The following ASF1A variants were observed in gnomAD, a reference collection of about 807,000 sequenced individuals.
The protein encoded by ASF1A is histone chaperone ASF1A.
ASF1A carries 5 observed loss-of-function variants against 22.0 expected under a neutral mutation model. The observed-to-expected ratio is 0.23, with a 90% CI of 0.12 to 0.48. The LOEUF (loss-of-function observed/expected upper bound fraction) is 0.48. Ranked by LOEUF, ASF1A falls within the 20% of genes least tolerant of loss-of-function variation. The pLI, the probability that ASF1A is intolerant of heterozygous loss-of-function variation, is 0.99. For synonymous variants in ASF1A, 97 were observed against 86.7 expected (o/e 1.12, Z -0.66); for missense variants, 137 against 240.6 (o/e 0.57, Z 2.85).
rs1349504622 is a variant in ASF1A at position 118,908,243 on chromosome 6, A to C, written c.*629A>C. The C allele has an allele frequency of 6.6e-6, 1 of 152,162 alleles. No homozygotes were observed. The highest frequency in any genetic ancestry group is 3.2e-3 in the Middle Eastern group (1 of 316). 9.4% of individuals were successfully genotyped at this position (152,162 alleles called of 1,614,324 possible). A position where few individuals can be genotyped will look rare whatever the true frequency, so the allele number is the denominator to read the frequency against. Reference sequence around the variant, plus strand: ...GAAGAACAAATATGGCTAATTGTTAATAAGGTCCCCTGGCTATGGTTTTTG... The same window carrying C: ...GAAGAACAAATATGGCTAATTGTTACTAAGGTCCCCTGGCTATGGTTTTTG... On this transcript the variant is annotated 3_prime_UTR_variant, in exon 4 of 4. Transcript: ENST00000229595.
At chr6:118,905,461 G>A (rs552446316) in intron 2 of ASF1A, among the ~76,000 whole-genome samples, 191 bp from the exon 3 acceptor site, 1 of 152,244 alleles carries the variant, frequency 6.6e-6, no homozygotes, top group South Asian at 2.1e-4. Context: ...ATATATTGTG[G>A]CAAAACATGA....
At chr6:118,900,905 G>A in intron 2 of ASF1A, 24 bp downstream of exon 2, 1 of 1,456,368 alleles carries the variant, frequency 6.9e-7, no homozygotes, top group African/African-American at 1.4e-5. Flanking sequence ...TGGTAAATGT[G>A]TATGCCAAAT....
chr6:118,903,045 T>G (rs1779911816), intron 2 of ASF1A, among the ~76,000 whole-genome samples: 1 of 152,192 alleles, frequency 6.6e-6, no homozygotes, highest in South Asian at 2.1e-4. Context: ...CTACTTAAAT[T>G]TGCTCAAACT....
intron 1 of ASF1A, 72 bp from the exon 2 acceptor site, chr6:118,900,694 A>T: frequency 1.8e-6 from 2 of 1,107,190 alleles, no homozygotes; most frequent in Non-Finnish European, 2.8e-6. Context: ...AGTGGACATT[A>T]AAAGGGTCTT....
At chr6:118,902,347 C>T (rs1779854833) in intron 2 of ASF1A, among the ~76,000 whole-genome samples, 1 of 152,114 alleles carries the variant, frequency 6.6e-6, no homozygotes, top group Middle Eastern at 3.2e-3. Flanking sequence ...ACAGTATAAT[C>T]AGTCACTCAT....
intron 1 of ASF1A, among the ~76,000 whole-genome samples, chr6:118,896,327 C>G (rs923072351): frequency 6.6e-6 from 1 of 152,102 alleles, no homozygotes; most frequent in African/African-American, 2.4e-5. Flanking sequence ...TCGGTCCATT[C>G]CAACTTATAC....
chr6:118,894,388 C>A lies in ASF1A; in HGVS notation c.-26C>A. Reference sequence around the variant, plus strand: ...TATTGTGCCGCAACCAGCCCCAGTTCCCATTGTTTGTGTTTTTTTCAAAAT... The same window carrying A: ...TATTGTGCCGCAACCAGCCCCAGTTACCATTGTTTGTGTTTTTTTCAAAAT... On this transcript the variant is annotated 5_prime_UTR_variant, in exon 1 of 4. Transcript: ENST00000229595. 2 of 1,536,964 alleles carry A rather than the reference C, an allele frequency of 1.3e-6. No homozygotes were observed. The highest frequency in any genetic ancestry group is 1.7e-6 in the Non-Finnish European group (2 of 1,146,718).
chr6:118,895,050 C>T (rs1210281434), intron 1 of ASF1A, among the ~76,000 whole-genome samples: 2 of 152,190 alleles, frequency 1.3e-5, no homozygotes, highest in Non-Finnish European at 2.9e-5. Context: ...CAGGCAGGCA[C>T]TCTCGAGAGC....
chr6:118,894,573 T>C, intron 1 of ASF1A, 51 bp downstream of exon 1: 1 of 1,449,754 alleles, frequency 6.9e-7, no homozygotes, highest in Non-Finnish European at 9.4e-7. Context: ...CTGCAGACGT[T>C]GAAAGTTTCC....
At position 118,896,026 on chromosome 6, in the gene ASF1A, T is replaced by C. The variant is rs576389339; in HGVS notation, c.109+1504T>C. Among the ~76,000 whole-genome samples, 77 of 149,956 alleles carry C rather than the reference T, an allele frequency of 5.1e-4. 2 individuals carry two copies. The South Asian group carries it at 0.016, about 32-fold the overall frequency. On this transcript the variant is annotated intron_variant, in intron 1 of 3. Transcript: ENST00000229595. The stretch of plus-strand genomic sequence containing the variant: ...CCTTTCGGTAATCACAATTATTACT[T>C]TAACATGTGCCCCCGTTTTTTTTTT...
In ASF1A at chr6:118,894,233, T is replaced by C; in HGVS notation, c.-181T>C. The C allele has an allele frequency of 7.0e-7, 1 of 1,426,428 alleles. No homozygotes were observed. The highest frequency in any genetic ancestry group is 9.1e-7 in the Non-Finnish European group (1 of 1,094,858). The allele number at this position is 1,426,428 out of a possible 1,614,324, so 88.4% of individuals were successfully genotyped here. ...CTGTAGTTTAGTGAAATAGGAAAGC[T>C]GCAAAACACTGTGGAGTGCTCCCGT... On this transcript the variant is annotated 5_prime_UTR_variant, in exon 1 of 4. Coordinates refer to ENST00000229595, the MANE Select transcript of ASF1A (RefSeq NM_014034.3).
At position 118,894,273 on chromosome 6, in the gene ASF1A, G is replaced by GA. The variant is rs1583571320; in HGVS notation, c.-135dup. ...AGTGCTCCCGTGTAAATAAAAAGAGGAAAAAAGTTTCTCAAGTCGCCGCTG... is the reference window on the plus strand; with the variant it reads ...AGTGCTCCCGTGTAAATAAAAAGAGGAAAAAAAGTTTCTCAAGTCGCCGCTG... On this transcript the variant is annotated 5_prime_UTR_variant, in exon 1 of 4. Coordinates refer to ENST00000229595, the MANE Select transcript of ASF1A (RefSeq NM_014034.3). 6.8e-7 allele frequency: 1 copy of GA among 1,462,744 alleles called. No homozygotes were observed. Among genetic ancestry groups the GA allele is most frequent in the South Asian group, 1.4e-5 (1 of 70,978 alleles). 90.6% of individuals were successfully genotyped at this position (1,462,744 alleles called of 1,614,324 possible). A position where few individuals can be genotyped will look rare whatever the true frequency, so the allele number is the denominator to read the frequency against.
At chr6:118,900,619 AAGG>A (rs1779745131) in intron 1 of ASF1A, 144 bp from the exon 2 acceptor site, 2 of 630,152 alleles carry the variant, frequency 3.2e-6, no homozygotes, top group Non-Finnish European at 5.7e-6. Context: ...GGAACTTTAT[AAGG>A]AGCATTTCAC....
Position 118,908,359 on chromosome 6 carries a change from G to A in ASF1A, c.*745G>A, listed in dbSNP as rs1780313112. ...TTCAAGACCAAATACAATATCGGGA[G>A]AAAATACAAACTCCCTGTGTTTAAG... On this transcript the variant is annotated 3_prime_UTR_variant, in exon 4 of 4. Transcript: ENST00000229595. 1 of 152,104 alleles carries A rather than the reference G, an allele frequency of 6.6e-6. No homozygotes were observed. Among genetic ancestry groups the A allele is most frequent in the Admixed American group, 6.5e-5 (1 of 15,278 alleles). The allele number at this position is 152,104 out of a possible 1,614,324, so 9.4% of individuals were successfully genotyped here.
intron 1 of ASF1A, among the ~76,000 whole-genome samples, chr6:118,896,858 C>CA (rs775408360): frequency 2.6e-5 from 4 of 151,066 alleles, no homozygotes; most frequent in Admixed American, 6.6e-5. Context: ...TTAAATGAGA[C>CA]AGTGTTGCTC....
chr6:118,895,277 G>C (rs1779310594), intron 1 of ASF1A, among the ~76,000 whole-genome samples: 1 of 152,028 alleles, frequency 6.6e-6, no homozygotes, highest in Non-Finnish European at 1.5e-5. Context: ...CCCGGGATGC[G>C]CCGGGATGCT....
chr6:118,898,449 C>G (rs980089579), intron 1 of ASF1A, among the ~76,000 whole-genome samples: 1 of 138,610 alleles, frequency 7.2e-6, no homozygotes, highest in African/African-American at 2.8e-5. Context: ...TTTTTGGAGA[C>G]AATCTCGTTC....
chr6:118,895,079 ACT>A (rs1389316642), intron 1 of ASF1A, among the ~76,000 whole-genome samples: 1 of 150,286 alleles, frequency 6.7e-6, no homozygotes, highest in Middle Eastern at 3.2e-3. Context: ...GAGTCGCCGC[ACT>A]CTCCGGGCTG....
chr6:118,896,344 G>A (rs1779411669), intron 1 of ASF1A, among the ~76,000 whole-genome samples: 1 of 152,032 alleles, frequency 6.6e-6, no homozygotes, highest in African/African-American at 2.4e-5. Flanking sequence ...ATACCACACT[G>A]TTTTTCAGAT....
Sources: gnomAD v4.1 joint callset for allele counts (sites outside exome capture counted in the v4.1 genomes callset) on GRCh38, gnomAD v4.1.1 for gene constraint, MANE v1.5 for transcripts, NCBI Gene and HGNC (gene_info 2026-07-23, HGNC 2026-07-21) for gene names.